FAM3C: variants seen among roughly 807,000 people sequenced by gnomAD.
FAM3C encodes FAM3 metabolism regulating signaling molecule C.
FAM3C carries 15 observed loss-of-function variants against 32.5 expected under a neutral mutation model. The ratio of observed to expected loss-of-function variants is 0.46; its 90% CI spans 0.31 to 0.71. FAM3C has a LOEUF of 0.71. Among genes scored for constraint, FAM3C ranks in the 30% least tolerant of loss-of-function variants. The pLI, the probability that FAM3C is intolerant of heterozygous loss-of-function variation, is 0.05. For synonymous variants in FAM3C, 75 were observed against 86.1 expected (o/e 0.87, Z 0.72); for missense variants, 175 against 274.4 (o/e 0.64, Z 2.56).
At chr7:121,387,217 C>T (rs1584709022) in intron 1 of FAM3C, among the ~76,000 whole-genome samples, 1 of 151,940 alleles carries the variant, frequency 6.6e-6, no homozygotes, top group Non-Finnish European at 1.5e-5. Context: ...TTTCAACCCA[C>T]TTAAAAATGT....
At chr7:121,371,245 C>A in intron 5 of FAM3C, 55 bp downstream of exon 5, 4 of 1,584,470 alleles carry the variant, frequency 2.5e-6, no homozygotes, top group Non-Finnish European at 3.5e-6. Context: ...AACTCAGGTT[C>A]AATTGGCTGC....
At chr7:121,393,560 T>C (rs1012208033) in intron 1 of FAM3C, among the ~76,000 whole-genome samples, 2 of 152,014 alleles carry the variant, frequency 1.3e-5, no homozygotes, top group Non-Finnish European at 1.5e-5. Context: ...CAAAATTAGA[T>C]TAAAAATAAG....
Position 121,388,235 on chromosome 7 carries a change from AACACACAC to A in FAM3C, c.-41-5233_-41-5226del, listed in dbSNP as rs10676450. 3.8e-3 allele frequency among the ~76,000 whole-genome samples: 563 copies of A among 147,918 alleles called. 5 individuals are homozygous for A. The highest frequency in any genetic ancestry group is 0.013 in the African/African-American group (523 of 40,036). On this transcript the variant is annotated intron_variant, in intron 1 of 9. Transcript: ENST00000359943. ...CTCTTTTAAAAGAAACCACCATTTT[AACACACAC>A]ACACACACACACACACACTCACACA...
chr7:121,385,871 A>T (rs1278983113), intron 1 of FAM3C, among the ~76,000 whole-genome samples: 1 of 152,178 alleles, frequency 6.6e-6, no homozygotes, highest in Non-Finnish European at 1.5e-5. Flanking sequence ...TCTTCCCACC[A>T]GCCTCTAGTT....
chr7:121,379,347 C>A (rs938952203), intron 2 of FAM3C, among the ~76,000 whole-genome samples: 3 of 152,008 alleles, frequency 2.0e-5, no homozygotes, highest in African/African-American at 7.3e-5. Flanking sequence ...TGTTGAATGG[C>A]AGATTCCTTA....
chr7:121,394,768 A>G (rs1794651440), intron 1 of FAM3C, among the ~76,000 whole-genome samples: 1 of 152,232 alleles, frequency 6.6e-6, no homozygotes, highest in South Asian at 2.1e-4. Context: ...CTCTAGAAAG[A>G]GGTACAGGTC....
chr7:121,357,567 A>G (rs191063735), intron 8 of FAM3C, among the ~76,000 whole-genome samples: 2 of 152,286 alleles, frequency 1.3e-5, no homozygotes, highest in East Asian at 1.9e-4. Context: ...AGTATAAAAG[A>G]TATGATGCTT....
chr7:121,382,880 A>T, intron 2 of FAM3C, 77 bp downstream of exon 2: 1 of 1,068,386 alleles, frequency 9.4e-7, no homozygotes, highest in Non-Finnish European at 1.4e-6. Context: ...AAGATTATTT[A>T]ACCTCTCCTT....
intron 5 of FAM3C, among the ~76,000 whole-genome samples, chr7:121,366,868 CATT>C (rs1323203951): frequency 2.0e-5 from 3 of 152,158 alleles, no homozygotes; most frequent in Non-Finnish European, 4.4e-5. Context: ...TAAACTCCAT[CATT>C]AAGAAGTAAC....
At chr7:121,363,204 T>C (rs959339895) in intron 6 of FAM3C, among the ~76,000 whole-genome samples, 3 of 152,182 alleles carry the variant, frequency 2.0e-5, no homozygotes, top group East Asian at 1.9e-4. Flanking sequence ...GAAGGATAAA[T>C]AGAAGTTCAT....
intron 1 of FAM3C, among the ~76,000 whole-genome samples, chr7:121,390,865 GGGGGGGGA>G (rs1794564560): frequency 3.4e-5 from 1 of 29,718 alleles, no homozygotes; most frequent in Non-Finnish European, 1.2e-4. Context: ...GGGGGGGGGG[GGGGGGGGA>G]AGGTAAGGCA....
chr7:121,367,982 G>T (rs574674466), intron 5 of FAM3C, among the ~76,000 whole-genome samples: 2 of 149,282 alleles, frequency 1.3e-5, no homozygotes, highest in Non-Finnish European at 1.5e-5. Flanking sequence ...AAAAAGAAAA[G>T]AAAAAAGAAA....
intron 1 of FAM3C, among the ~76,000 whole-genome samples, chr7:121,390,713 G>C (rs1794556286): frequency 6.6e-6 from 1 of 151,758 alleles, no homozygotes. Context: ...TGCATACCTG[G>C]AGAATCAGAA....
At chr7:121,357,125 T>C (rs1388970318) in intron 8 of FAM3C, among the ~76,000 whole-genome samples, 1 of 152,100 alleles carries the variant, frequency 6.6e-6, no homozygotes, top group East Asian at 1.9e-4. Context: ...CTCTGGGAAA[T>C]AATGTGATGG....
intron 7 of FAM3C, among the ~76,000 whole-genome samples, chr7:121,362,203 T>C (rs1322357616): frequency 1.3e-5 from 2 of 152,182 alleles, no homozygotes; most frequent in Non-Finnish European, 2.9e-5. Context: ...AACCCATTCT[T>C]CCGGGCAGCG....
chr7:121,354,277 A>G (rs1272584447), intron 8 of FAM3C, among the ~76,000 whole-genome samples: 1 of 152,222 alleles, frequency 6.6e-6, no homozygotes, highest in Non-Finnish European at 1.5e-5. Flanking sequence ...TTTGTTACAT[A>G]TATTTTAATC....
chr7:121,389,751 C>T (rs145426430), intron 1 of FAM3C, among the ~76,000 whole-genome samples: 78 of 149,154 alleles, frequency 5.2e-4, no homozygotes, highest in East Asian at 2.0e-3. Context: ...GACTCTCTAA[C>T]AGGAAAGTGG....
intron 5 of FAM3C, among the ~76,000 whole-genome samples, chr7:121,370,921 A>G (rs1216758619): frequency 5.9e-5 from 9 of 152,198 alleles, no homozygotes; most frequent in Non-Finnish European, 2.9e-5. Context: ...AACTGCGGTG[A>G]CAGATACCAA....
chr7:121,375,302 C>T (rs1274423721), intron 3 of FAM3C, among the ~76,000 whole-genome samples: 2 of 151,996 alleles, frequency 1.3e-5, no homozygotes, highest in Non-Finnish European at 2.9e-5. Context: ...GGAACCAGGA[C>T]GAGCAAAGGT....
Sources: allele counts gnomAD v4.1 joint callset (sites outside exome capture counted in the v4.1 genomes callset), GRCh38; gene constraint gnomAD v4.1.1; transcripts MANE v1.5; gene names NCBI Gene and HGNC (gene_info 2026-07-23, HGNC 2026-07-21).